The following BRD10 variants were observed in gnomAD, a reference collection of about 807,000 sequenced individuals.
BRD10 encodes the protein uncharacterized bromodomain-containing protein 10.
At chr9:5,902,091 T>G in the BRD10 span, among the ~76,000 whole-genome samples, 1 of 152,218 alleles carries the variant, frequency 6.6e-6, no homozygotes, top group Non-Finnish European at 1.5e-5. Flanking sequence ...TGGTATAATA[T>G]CTTTCTTAAA....
chr9:5,930,664 C>G, the BRD10 span, among the ~76,000 whole-genome samples: 1 of 151,596 alleles, frequency 6.6e-6, no homozygotes, highest in African/African-American at 2.4e-5. Flanking sequence ...TATGATGAAT[C>G]AAAGAATTAA....
At chr9:5,914,346 A>G in the BRD10 span, among the ~76,000 whole-genome samples, 2 of 141,030 alleles carry the variant, frequency 1.4e-5, no homozygotes, top group Non-Finnish European at 3.0e-5. Context: ...TTGATGGTAC[A>G]TTTGCTTAAA....
the BRD10 span, among the ~76,000 whole-genome samples, chr9:6,005,228 A>G: frequency 1.3e-5 from 2 of 152,216 alleles, no homozygotes; most frequent in Non-Finnish European, 2.9e-5. Context: ...TGTTTATTAT[A>G]GGCCGGGCGC....
chr9:5,970,463 A>C, the BRD10 span, among the ~76,000 whole-genome samples: 3 of 152,222 alleles, frequency 2.0e-5, no homozygotes, highest in Non-Finnish European at 4.4e-5. Context: ...TAAAAACTTA[A>C]TTAAAAAAAT....
chr9:5,943,402 CT>C, the BRD10 span, among the ~76,000 whole-genome samples: 1 of 152,014 alleles, frequency 6.6e-6, no homozygotes. Context: ...AAATTGGCAA[CT>C]TTATTTAACA....
chr9:5,905,282 A>AC, the BRD10 span, among the ~76,000 whole-genome samples: 1 of 152,160 alleles, frequency 6.6e-6, no homozygotes, highest in Non-Finnish European at 1.5e-5. Flanking sequence ...CACCAAGGGG[A>AC]CCCCAGGGAA....
chr9:5,909,613 G>C, the BRD10 span: 1 of 152,128 alleles, frequency 6.6e-6, no homozygotes, highest in South Asian at 2.1e-4. Context: ...TTCACTTCAA[G>C]GCTCAATGCT....
chr9:5,900,784 A>G, the BRD10 span, among the ~76,000 whole-genome samples: 1 of 152,244 alleles, frequency 6.6e-6, no homozygotes, highest in Non-Finnish European at 1.5e-5. Flanking sequence ...GTGGGAAATG[A>G]TTTGTAATAA....
At chr9:5,890,336 T>C in the BRD10 span, among the ~76,000 whole-genome samples, 1 of 152,228 alleles carries the variant, frequency 6.6e-6, no homozygotes, top group African/African-American at 2.4e-5. Flanking sequence ...TGTGGACATA[T>C]TTATCCTAAA....
chr9:5,915,525 A>G, the BRD10 span, among the ~76,000 whole-genome samples: 3 of 152,126 alleles, frequency 2.0e-5, no homozygotes, highest in Non-Finnish European at 4.4e-5. Flanking sequence ...TATTTTTATA[A>G]TCATTCCCTA....
At chr9:5,920,035 G>A in the BRD10 span, 5 of 1,613,968 alleles carry the variant, frequency 3.1e-6, no homozygotes, top group African/African-American at 1.3e-5. Context: ...TAGCAGTTGT[G>A]TTTATGAGTT....
the BRD10 span, among the ~76,000 whole-genome samples, chr9:5,933,372 CAA>C: frequency 2.0e-5 from 3 of 152,126 alleles, no homozygotes; most frequent in African/African-American, 7.2e-5. Context: ...TATGAATCAA[CAA>C]AAGTATGAAT....
At chr9:5,977,336 A>G in the BRD10 span, among the ~76,000 whole-genome samples, 1 of 152,182 alleles carries the variant, frequency 6.6e-6, no homozygotes, top group Admixed American at 6.5e-5. Flanking sequence ...AAGAGATGTG[A>G]GGAAGGACAA....
chr9:5,959,899 A>ATTCGAACAGC, the BRD10 span, among the ~76,000 whole-genome samples: 1 of 152,222 alleles, frequency 6.6e-6, no homozygotes, highest in Non-Finnish European at 1.5e-5. Flanking sequence ...CCCTTCTATC[A>ATTCGAACAGC]TTCGAACAGC....
chr9:5,992,367 C>T, the BRD10 span, among the ~76,000 whole-genome samples: 1 of 152,120 alleles, frequency 6.6e-6, no homozygotes, highest in Non-Finnish European at 1.5e-5. Flanking sequence ...AAATTCCAGT[C>T]ATCTATATTG....
At chr9:5,893,287 G>A in the BRD10 span, among the ~76,000 whole-genome samples, 8 of 152,170 alleles carry the variant, frequency 5.3e-5, no homozygotes, top group Admixed American at 1.3e-4. Context: ...TACTCTGTAC[G>A]TGCTGGGTGG....
the BRD10 span, chr9:5,906,955 G>A: frequency 5.0e-6 from 8 of 1,599,488 alleles, no homozygotes; most frequent in African/African-American, 1.4e-5. Context: ...TTTGATCATC[G>A]GGACAGCAAA....
At chr9:5,952,091 G>C in the BRD10 span, among the ~76,000 whole-genome samples, 10 of 151,878 alleles carry the variant, frequency 6.6e-5, no homozygotes, top group East Asian at 1.9e-3. Context: ...CGTGATGTTG[G>C]CTCACTGCAA....
At chr9:5,922,749 C>T in the BRD10 span, 2 of 1,613,960 alleles carry the variant, frequency 1.2e-6, no homozygotes. Context: ...TGAATCTTTA[C>T]AGAGCTATTT....
Sources: gnomAD v4.1 joint callset for allele counts (sites outside exome capture counted in the v4.1 genomes callset) on GRCh38, gnomAD v4.1.1 for gene constraint, MANE v1.5 for transcripts, NCBI Gene and HGNC (gene_info 2026-07-23, HGNC 2026-07-21) for gene names.